Variants in RBFOX1 observed in about 807,000 individuals in gnomAD.
RBFOX1 encodes RNA binding protein fox-1 homolog 1.
RBFOX1 carries 8 observed loss-of-function variants against 57.7 expected under a neutral mutation model. The ratio of observed to expected loss-of-function variants is 0.14; its 90% CI spans 0.08 to 0.25. RBFOX1 has a LOEUF of 0.25. Ranked by LOEUF, RBFOX1 falls within the 10% of genes least tolerant of loss-of-function variation. The pLI, the probability that RBFOX1 is intolerant of heterozygous loss-of-function variation, is 1.00. For synonymous variants in RBFOX1, 326 were observed against 222.4 expected, an observed-to-expected ratio of 1.47 and a Z score of -4.15; for missense variants, 611 against 548.5, an observed-to-expected ratio of 1.11 and a Z score of -1.14.
intron 1 of RBFOX1, among the ~76,000 whole-genome samples, chr16:6,021,575 C>T (rs911454853): frequency 3.3e-5 from 5 of 152,152 alleles, no homozygotes; most frequent in Admixed American, 2.6e-4. Flanking sequence ...GTCAGGGAGG[C>T]CCTCCGTTTG....
At chr16:6,596,325 A>G (rs866952796) in intron 2 of RBFOX1, among the ~76,000 whole-genome samples, 1 of 152,192 alleles carries the variant, frequency 6.6e-6, no homozygotes, top group Admixed American at 6.5e-5. Flanking sequence ...GTATCTTTGC[A>G]TATGGATATC....
chr16:7,223,712 GA>G (rs71147673), intron 4 of RBFOX1, among the ~76,000 whole-genome samples: 58,138 of 130,450 alleles, frequency 0.45, 12,175 homozygotes, highest in East Asian at 0.67. Context: ...CAGTGTTTCA[GA>G]AAAAAAAAAA....
chr16:7,089,097 G>A (rs2060424362), intron 4 of RBFOX1, among the ~76,000 whole-genome samples: 1 of 152,022 alleles, frequency 6.6e-6, no homozygotes, highest in South Asian at 2.1e-4. Flanking sequence ...CCTTTCTTTG[G>A]GACATTTTCC....
intron 2 of RBFOX1, among the ~76,000 whole-genome samples, chr16:6,389,686 C>G (rs1369720934): frequency 1.3e-5 from 2 of 152,140 alleles, no homozygotes; most frequent in Non-Finnish European, 2.9e-5. Flanking sequence ...TTTCTCAGTG[C>G]TAATCAATGA....
chr16:7,710,124 TACAACTCC>T (rs1473465696), intron 15 of RBFOX1: 13 of 1,019,990 alleles, frequency 1.3e-5, no homozygotes, highest in African/African-American at 3.5e-5. Context: ...AATTCATCTG[TACAACTCC>T]ACAACTCCCT....
intron 2 of RBFOX1, among the ~76,000 whole-genome samples, chr16:6,547,096 A>C (rs1223082028): frequency 6.6e-6 from 1 of 152,124 alleles, no homozygotes; most frequent in African/African-American, 2.4e-5. Flanking sequence ...CCCCTGCCCA[A>C]CTCTATTGCA....
At chr16:6,952,894 G>A (rs1935111774) in intron 3 of RBFOX1, among the ~76,000 whole-genome samples, 1 of 152,064 alleles carries the variant, frequency 6.6e-6, no homozygotes, top group Admixed American at 6.6e-5. Context: ...AGAAGGGCTT[G>A]AACCCAGGTG....
chr16:6,544,331 A>G (rs1167669156), intron 2 of RBFOX1, among the ~76,000 whole-genome samples: 1 of 152,174 alleles, frequency 6.6e-6, no homozygotes, highest in Non-Finnish European at 1.5e-5. Flanking sequence ...AGCATAGCAG[A>G]AGTGTCATCA....
chr16:5,330,143 A>C (rs1413827862), intron 1 of RBFOX1, among the ~76,000 whole-genome samples: 2 of 152,154 alleles, frequency 1.3e-5, no homozygotes, highest in Non-Finnish European at 2.9e-5. Flanking sequence ...CCACACCTCC[A>C]AATACCATCG....
rs185282536 is a variant in RBFOX1 at position 7,178,804 on chromosome 16, C to G, written c.27+126706C>G. Among the ~76,000 whole-genome samples the G allele has an allele frequency of 1.2e-3, 183 of 152,288 alleles. 1 individual carries two copies. The highest frequency in any genetic ancestry group is 1.9e-3 in the Non-Finnish European group (130 of 68,026). ...TGTGCTTTGATCACAGGTGAGACAT[C>G]GGGTTTCACACCTGTTATTCTGCAA... On this transcript the variant is annotated intron_variant, in intron 4 of 15. Transcript: ENST00000550418.
In RBFOX1 at chr16:6,795,255, A is replaced by G. The variant is rs574604613; in HGVS notation, c.-16+140605A>G. Among the ~76,000 whole-genome samples, 17 of 152,230 alleles carry G rather than the reference A, an allele frequency of 1.1e-4. No homozygotes were observed. The South Asian group carries it at 3.3e-3, about 30-fold the overall frequency. On this transcript the variant is annotated intron_variant, in intron 3 of 15. Transcript: ENST00000550418. ...CAAACCACCTAAATTTTTTAATTGT[A>G]CACAGTCAAGTCACCTTGATAGAAG...
At chr16:7,331,548 G>T (rs925276358) in intron 4 of RBFOX1, among the ~76,000 whole-genome samples, 2 of 152,158 alleles carry the variant, frequency 1.3e-5, no homozygotes, top group Non-Finnish European at 2.9e-5. Context: ...TGAAACCAAA[G>T]ATGTGTCTGT....
intron 1 of RBFOX1, among the ~76,000 whole-genome samples, chr16:6,235,558 ATGTGTGTGTGTG>A (rs3064942): frequency 1.1e-3 from 156 of 147,230 alleles, no homozygotes; most frequent in South Asian, 5.4e-3. Flanking sequence ...GCGTGTATGT[ATGTGTGTGTGTG>A]TGTGTGTGTG....
At position 6,721,084 on chromosome 16, in the gene RBFOX1, C is replaced by T. The variant is rs139884407; in HGVS notation, c.-16+66434C>T. The stretch of plus-strand genomic sequence containing the variant: ...AGTAGAATATTGCCTCTTCTGATAG[C>T]TCAGTGTTTGCTTTATGTAACCATT... On this transcript the variant is annotated intron_variant, in intron 3 of 15. Coordinates refer to ENST00000550418, the MANE Select transcript of RBFOX1 (RefSeq NM_018723.4). 9.9e-5 allele frequency among the ~76,000 whole-genome samples: 15 copies of T among 152,260 alleles called. 1 individual carries two copies. Among genetic ancestry groups the T allele is most frequent in the African/African-American group, 3.6e-4 (15 of 41,558 alleles).
At chr16:5,277,659 G>C (rs995214659) in intron 1 of RBFOX1, among the ~76,000 whole-genome samples, 1 of 151,984 alleles carries the variant, frequency 6.6e-6, no homozygotes, top group Admixed American at 6.6e-5. Context: ...CCATAACTGC[G>C]GTCTCTATCC....
intron 3 of RBFOX1, among the ~76,000 whole-genome samples, chr16:6,817,776 A>G (rs772180310): frequency 1.7e-4 from 26 of 152,142 alleles, no homozygotes; most frequent in Non-Finnish European, 3.2e-4. Context: ...TACATCTGTT[A>G]AACTTCTAAG....
At chr16:6,461,874 T>C (rs1046531237) in intron 2 of RBFOX1, among the ~76,000 whole-genome samples, 1 of 152,228 alleles carries the variant, frequency 6.6e-6, no homozygotes, top group Non-Finnish European at 1.5e-5. Flanking sequence ...ATATTTTCAT[T>C]GTTCAGTACA....
At chr16:6,571,166 T>G (rs962341643) in intron 2 of RBFOX1, among the ~76,000 whole-genome samples, 2 of 152,180 alleles carry the variant, frequency 1.3e-5, no homozygotes, top group Non-Finnish European at 2.9e-5. Context: ...GTAATTTGTT[T>G]TGACAACTAC....
chr16:6,376,033 C>G (rs1230573412), intron 2 of RBFOX1, among the ~76,000 whole-genome samples: 1 of 152,120 alleles, frequency 6.6e-6, no homozygotes, highest in East Asian at 1.9e-4. Flanking sequence ...GCTCATTTAC[C>G]ACTTGTATAG....
Sources: gnomAD v4.1 joint callset for allele counts (sites outside exome capture counted in the v4.1 genomes callset) on GRCh38, gnomAD v4.1.1 for gene constraint, MANE v1.5 for transcripts, NCBI Gene and HGNC (gene_info 2026-07-23, HGNC 2026-07-21) for gene names.